The following ALOX5AP variants were observed in gnomAD, a reference collection of about 807,000 sequenced individuals.
The protein encoded by ALOX5AP is arachidonate 5-lipoxygenase-activating protein.
In ALOX5AP, 9 loss-of-function variants were observed where a neutral mutation model predicts 18.5. That is an observed-to-expected ratio of 0.49 (90% CI 0.29 to 0.85). ALOX5AP has a LOEUF of 0.85. Ranked by LOEUF, ALOX5AP falls within the 40% of genes least tolerant of loss-of-function variation. The pLI, the probability that ALOX5AP is intolerant of heterozygous loss-of-function variation, is 0.08. For missense variants in ALOX5AP, 172 were observed against 202.5 expected (o/e 0.85, Z 0.91); for synonymous variants, 81 against 78.6 (o/e 1.03, Z -0.16).
At chr13:30,760,098 T>A (rs1951928763) in intron 4 of ALOX5AP, among the ~76,000 whole-genome samples, 1 of 152,332 alleles carries the variant, frequency 6.6e-6, no homozygotes, top group Non-Finnish European at 1.5e-5. Flanking sequence ...AAATATCTTG[T>A]CCTCACAGAG....
upstream of ALOX5AP, among the ~76,000 whole-genome samples, chr13:30,733,076 G>A (rs1454802014): frequency 1.3e-5 from 2 of 151,150 alleles, no homozygotes; most frequent in African/African-American, 2.4e-5. Context: ...GGAGAATGGC[G>A]TGAACCCGGG....
At chr13:30,731,227 A>T (rs1951678337), upstream of ALOX5AP, among the ~76,000 whole-genome samples, 1 of 152,190 alleles carries the variant, frequency 6.6e-6, no homozygotes, top group African/African-American at 2.4e-5. Flanking sequence ...TGCCAGGTAC[A>T]AATGCAGAAG....
chr13:30,741,121 T>TTC, intron 1 of ALOX5AP, among the ~76,000 whole-genome samples: 1 of 122,096 alleles, frequency 8.2e-6, no homozygotes, highest in Non-Finnish European at 1.7e-5. Context: ...TTTTTTTTTT[T>TTC]TTTTTTTTTT....
intron 1 of ALOX5AP, among the ~76,000 whole-genome samples, chr13:30,721,455 T>C (rs1013147008): frequency 1.3e-5 from 2 of 152,120 alleles, no homozygotes; most frequent in Non-Finnish European, 2.9e-5. Flanking sequence ...TGAGTACCAT[T>C]CTTGACTCCT....
At chr13:30,755,813 C>T (rs1951888723) in intron 3 of ALOX5AP, 131 bp from the exon 4 acceptor site, 4 of 798,938 alleles carry the variant, frequency 5.0e-6, no homozygotes. Context: ...TTCCTCTAGC[C>T]CTTGGGCTCT....
intron 4 of ALOX5AP, among the ~76,000 whole-genome samples, chr13:30,760,427 G>A (rs1177426539): frequency 2.6e-5 from 4 of 152,182 alleles, no homozygotes; most frequent in South Asian, 2.1e-4. Context: ...ATGCCTGGGC[G>A]CCCCCATCTC....
rs569056162 is a variant in ALOX5AP at position 30,759,826 on chromosome 13, G to A, written c.323+3801G>A. Among the ~76,000 whole-genome samples the A allele has an allele frequency of 7.2e-5, 11 of 152,316 alleles. No individual in the cohort carries two copies. In the South Asian group the frequency reaches 1.9e-3, roughly 26 times the overall value. On this transcript the variant is annotated intron_variant, in intron 4 of 4. Coordinates refer to ENST00000380490, the MANE Select transcript of ALOX5AP (RefSeq NM_001629.4). ...CCAAACAACAGTATTAGAATCATCT[G>A]TGGTGCTTATTAAAGATACAGATTC...
At chr13:30,730,245 A>G (rs956748914) in intron 1 of ALOX5AP, among the ~76,000 whole-genome samples, 2 of 152,208 alleles carry the variant, frequency 1.3e-5, no homozygotes. Flanking sequence ...ATTCATCTCA[A>G]TTTAGTTCAA....
chr13:30,732,584 A>G (rs1007019176), upstream of ALOX5AP, among the ~76,000 whole-genome samples: 2 of 152,268 alleles, frequency 1.3e-5, no homozygotes, highest in East Asian at 3.9e-4. Flanking sequence ...TTCTCCTGCC[A>G]TCTGGTTGAC....
In ALOX5AP at chr13:30,763,945, AC is replaced by A; in HGVS notation, c.329del (p.Pro110LeufsTer38). On this transcript the variant is annotated frameshift_variant and splice_region_variant, in exon 5 of 5. Coordinates refer to ENST00000380490, the MANE Select transcript of ALOX5AP (RefSeq NM_001629.4). LOFTEE classifies it high-confidence loss of function. ...GTTTTCTTTTTCCTTCTCTTCCAGC[AC>A]CCCTGGCTACATATTTGGGAAACGC... ...VGYLGERTQS[T>X]PGYIFGKRII... 1 of 1,610,502 alleles carries A rather than the reference AC, an allele frequency of 6.2e-7. No homozygotes were observed.
chr13:30,713,770 T>A (rs1465089170), exon 1 of ALOX5AP: 2 of 1,535,672 alleles, frequency 1.3e-6, no homozygotes, highest in Admixed American at 3.9e-5. Flanking sequence ...CACAGAAGAC[T>A]CTGAAAACTT....
At position 30,729,090 on chromosome 13, in the gene ALOX5AP, A is replaced by G. The variant is rs185651684; in HGVS notation, c.117-6461A>G. On this transcript the variant is annotated intron_variant, in intron 1 of 5. Coordinates refer to the ALOX5AP transcript ENST00000617770. The stretch of plus-strand genomic sequence containing the variant: ...TATTGGCTATATGTATATCTTCTTT[A>G]GCAAAATATATGTTGTTATTTGAAG... 8.8e-4 allele frequency among the ~76,000 whole-genome samples: 134 copies of G among 152,260 alleles called. 1 individual carries two copies. The highest frequency in any genetic ancestry group is 3.2e-3 in the African/African-American group (133 of 41,538).
chr13:30,744,735 G>A (rs1414943832), intron 2 of ALOX5AP, among the ~76,000 whole-genome samples: 1 of 152,220 alleles, frequency 6.6e-6, no homozygotes, highest in Non-Finnish European at 1.5e-5. Context: ...AAACACCTGA[G>A]CGGCTCCTAA....
chr13:30,735,482 T>C, upstream of ALOX5AP: 1 of 1,506,008 alleles, frequency 6.6e-7, no homozygotes, highest in Non-Finnish European at 8.9e-7. Flanking sequence ...CACTGTGTAA[T>C]TGTGCCGGGG....
chr13:30,721,149 C>T (rs1951590358), intron 1 of ALOX5AP, among the ~76,000 whole-genome samples: 1 of 152,232 alleles, frequency 6.6e-6, no homozygotes, highest in Non-Finnish European at 1.5e-5. Flanking sequence ...ACACACTTCT[C>T]TCTTCTTTAT....
chr13:30,741,068 G>A (rs1241359891), intron 1 of ALOX5AP, among the ~76,000 whole-genome samples: 4 of 132,910 alleles, frequency 3.0e-5, no homozygotes, highest in Non-Finnish European at 6.3e-5. Flanking sequence ...AAATGGCATA[G>A]TATTTGCATT....
At chr13:30,727,711 G>A (rs1466569743) in intron 1 of ALOX5AP, among the ~76,000 whole-genome samples, 5 of 152,146 alleles carry the variant, frequency 3.3e-5, no homozygotes, top group Non-Finnish European at 7.4e-5. Context: ...TGACTGCTCC[G>A]TGATGAGGGC....
At chr13:30,763,647 A>G (rs555301051) in intron 4 of ALOX5AP, among the ~76,000 whole-genome samples, 28 of 152,318 alleles carry the variant, frequency 1.8e-4, no homozygotes, top group African/African-American at 6.5e-4. Context: ...CAGGCCATCA[A>G]GGAGCTCTGG....
intron 2 of ALOX5AP, 56 bp from the exon 3 acceptor site, chr13:30,751,996 C>T: frequency 1.3e-6 from 2 of 1,506,884 alleles, no homozygotes; most frequent in Non-Finnish European, 1.8e-6. Context: ...ATTTTCAGAC[C>T]ACATTGCACT....
Sources: gnomAD v4.1 joint callset for allele counts (sites outside exome capture counted in the v4.1 genomes callset) on GRCh38, gnomAD v4.1.1 for gene constraint, MANE v1.5 for transcripts, NCBI Gene and HGNC (gene_info 2026-07-23, HGNC 2026-07-21) for gene names.